The following TTC7A variants were observed in gnomAD, a reference collection of about 807,000 sequenced individuals.
The protein encoded by TTC7A is tetratricopeptide repeat protein 7A.
In TTC7A, 110 loss-of-function variants were observed where a neutral mutation model predicts 103.7. The observed-to-expected ratio is 1.06, with a 90% CI of 0.91 to 1.24. TTC7A has a LOEUF of 1.24. Among genes scored for constraint, TTC7A ranks in the 50% most tolerant of loss-of-function variants. The pLI is 0.00. For missense variants in TTC7A, 1,340 were observed against 1,116.3 expected (o/e 1.20, Z -2.86); for synonymous variants, 521 against 467.9 (o/e 1.11, Z -1.47).
At chr2:46,943,887 A>G (rs901104478) in intron 1 of TTC7A, among the ~76,000 whole-genome samples, 1 of 152,228 alleles carries the variant, frequency 6.6e-6, no homozygotes, top group African/African-American at 2.4e-5. Flanking sequence ...TCCTACAGAA[A>G]TGAAAAGTAC....
At chr2:46,990,225 G>T (rs993089799) in intron 5 of TTC7A, among the ~76,000 whole-genome samples, 5 of 152,248 alleles carry the variant, frequency 3.3e-5, no homozygotes, top group Non-Finnish European at 5.9e-5. Flanking sequence ...GTTTGCTGCA[G>T]TCTGTCTTTT....
Position 46,993,484 on chromosome 2 carries a change from G to T in TTC7A, c.799G>T (p.Val267Leu), listed in dbSNP as rs768134160. 2 of 1,614,086 alleles carry T rather than the reference G, an allele frequency of 1.2e-6. No homozygotes were observed. Among genetic ancestry groups the T allele is most frequent in the Admixed American group, 1.7e-5 (1 of 60,008 alleles). ...IVKGMRELRE[V>L]LRTVETKATQ... ...GAAGGGCATGAGAGAGCTCCGGGAG[G>T]TGCTGCGGACTGTGGAGACCAAAGC... Residue 267 changes from valine (V) to leucine (L), a missense_variant, in exon 6 of 20, where the codon GTG becomes TTG. Transcript: ENST00000319190.
intron 19 of TTC7A, 38 bp downstream of exon 19, chr2:47,061,009 C>A: frequency 6.5e-7 from 1 of 1,543,968 alleles, no homozygotes; most frequent in South Asian, 1.2e-5. Context: ...CACCTCCTCC[C>A]ACAGCCTCAG....
At chr2:46,975,211 C>G in intron 4 of TTC7A, 108 bp downstream of exon 4, 1 of 1,428,038 alleles carries the variant, frequency 7.0e-7, no homozygotes, top group South Asian at 1.3e-5. Flanking sequence ...AAGAAGTCAC[C>G]TTCTCTGTCC....
intron 18 of TTC7A, among the ~76,000 whole-genome samples, chr2:47,053,537 T>TTG: frequency 8.8e-6 from 1 of 113,960 alleles, no homozygotes; most frequent in South Asian, 3.5e-4. Flanking sequence ...TTTTTTTGTT[T>TTG]GTTTGTTTGG....
intron 14 of TTC7A, among the ~76,000 whole-genome samples, chr2:47,024,882 G>A (rs561729482): frequency 2.0e-5 from 3 of 152,276 alleles, no homozygotes; most frequent in East Asian, 1.9e-4. Flanking sequence ...AGGCAGACCC[G>A]CCTTTTCCCC....
In TTC7A at chr2:46,950,540, C is replaced by T; in HGVS notation, c.348+14C>T. On this transcript the variant is annotated intron_variant, in intron 2 of 19. Coordinates refer to ENST00000319190, the MANE Select transcript of TTC7A (RefSeq NM_020458.4). ...GGGAGGCTCTCGGTAAGTCGTCAGC[C>T]TTCAAGCCTGAGACCTCCTCTCCTC... The T allele has an allele frequency of 6.2e-7, 1 of 1,613,524 alleles. No homozygotes were observed. Among genetic ancestry groups the T allele is most frequent in the South Asian group, 1.1e-5 (1 of 91,046 alleles).
intron 11 of TTC7A, among the ~76,000 whole-genome samples, chr2:47,014,581 C>G (rs1218304135): frequency 6.6e-6 from 1 of 152,234 alleles, no homozygotes; most frequent in Admixed American, 6.5e-5. Context: ...GTTCCTGAGG[C>G]TCACAGTGAA....
chr2:46,942,993 C>T (rs1199079492), intron 1 of TTC7A, among the ~76,000 whole-genome samples: 1 of 152,162 alleles, frequency 6.6e-6, no homozygotes, highest in Non-Finnish European at 1.5e-5. Context: ...GCAGCCTCAA[C>T]TTCCTGGGCT....
exon 2 of TTC7A, chr2:46,917,233 A>G (rs1388185304): frequency 1.4e-6 from 1 of 695,414 alleles, no homozygotes; most frequent in Non-Finnish European, 2.6e-6. Context: ...GGGTTCAAGC[A>G]ATCCTCCCAC....
At chr2:46,944,132 G>A (rs1670712413) in intron 1 of TTC7A, among the ~76,000 whole-genome samples, 1 of 152,170 alleles carries the variant, frequency 6.6e-6, no homozygotes, top group Non-Finnish European at 1.5e-5. Context: ...CCAGAGTCCT[G>A]CTTGCTGTGC....
chr2:47,023,895 A>G (rs1310989893), intron 13 of TTC7A, among the ~76,000 whole-genome samples: 1 of 75,832 alleles, frequency 1.3e-5, no homozygotes, highest in Non-Finnish European at 2.6e-5. Flanking sequence ...CCCAGCCCCT[A>G]CAGGGATTTC....
At chr2:47,014,621 T>G (rs1572910138) in intron 11 of TTC7A, among the ~76,000 whole-genome samples, 1 of 151,518 alleles carries the variant, frequency 6.6e-6, no homozygotes, top group African/African-American at 2.4e-5. Flanking sequence ...AGGCAGGGGG[T>G]GTTCGTGCAT....
rs111293540 is a variant in TTC7A, at chr2:47,059,625, T to C, written c.2153-1144T>C. Among the ~76,000 whole-genome samples the C allele has an allele frequency of 9.3e-3, 1,420 of 152,290 alleles. 14 individuals are homozygous for C. Among genetic ancestry groups the C allele is most frequent in the South Asian group, 0.015 (74 of 4,822 alleles). On this transcript the variant is annotated intron_variant, in intron 18 of 19. Transcript: ENST00000319190. ...ACCAAGGGGCCCAAAGAGAGATCCC[T>C]GGTCTGCTTCCATCCCCTTCTCCCT... is the stretch of plus-strand genomic sequence containing the variant.
intron 2 of TTC7A, among the ~76,000 whole-genome samples, chr2:46,921,298 G>A (rs1669089974): frequency 6.6e-6 from 1 of 152,162 alleles, no homozygotes; most frequent in Non-Finnish European, 1.5e-5. Context: ...AGCTACTAGA[G>A]CTATTGATTT....
chr2:47,046,282 G>T (rs377585038), intron 15 of TTC7A, 33 bp from the exon 16 acceptor site: 39 of 1,564,928 alleles, frequency 2.5e-5, no homozygotes, highest in Non-Finnish European at 3.2e-5. Flanking sequence ...GCCCTTGCTG[G>T]GGTGTGCTGA....
At chr2:46,962,846 T>G (rs1293830149) in intron 3 of TTC7A, among the ~76,000 whole-genome samples, 1 of 152,230 alleles carries the variant, frequency 6.6e-6, no homozygotes, top group Non-Finnish European at 1.5e-5. Flanking sequence ...GCCTACCTGA[T>G]AGGTTGAACA....
At chr2:47,048,941 G>A (rs562020431) in intron 16 of TTC7A, among the ~76,000 whole-genome samples, 1 of 152,214 alleles carries the variant, frequency 6.6e-6, no homozygotes, top group South Asian at 2.1e-4. Flanking sequence ...GTGCCTCCTG[G>A]GAATGGGAAG....
intron 4 of TTC7A, among the ~76,000 whole-genome samples, chr2:46,975,591 G>A (rs1673800173): frequency 6.6e-6 from 1 of 152,074 alleles, no homozygotes; most frequent in Non-Finnish European, 1.5e-5. Context: ...CCTGTGGTGG[G>A]TCTGGGTTAA....
Sources: allele counts gnomAD v4.1 joint callset (sites outside exome capture counted in the v4.1 genomes callset), GRCh38; gene constraint gnomAD v4.1.1; transcripts MANE v1.5; gene names NCBI Gene and HGNC (gene_info 2026-07-23, HGNC 2026-07-21).